Variants in IMMP2L observed in about 807,000 individuals in gnomAD.
IMMP2L encodes inner mitochondrial membrane peptidase subunit 2.
Under a neutral mutation model 19.3 loss-of-function variants are expected in IMMP2L, and 18 were observed. The observed-to-expected ratio is 0.93, with a 90% CI of 0.64 to 1.38. The LOEUF is 1.38. IMMP2L is among the 40% of genes most tolerant of loss of function. IMMP2L has a pLI of 0.00. For synonymous variants in IMMP2L, 76 were observed against 73.0 expected, an observed-to-expected ratio of 1.04 and a Z score of -0.21; for missense variants, 233 against 218.2, an observed-to-expected ratio of 1.07 and a Z score of -0.43.
At chr7:111,480,325 C>T (rs1842071248) in intron 3 of IMMP2L, among the ~76,000 whole-genome samples, 1 of 151,944 alleles carries the variant, frequency 6.6e-6, no homozygotes, top group Admixed American at 6.6e-5. Flanking sequence ...CGTGATCCAC[C>T]TGCCTCAGCC....
chr7:110,860,880 A>G lies in IMMP2L; in HGVS notation c.408+25713T>C, dbSNP rs1162255632. Among the ~76,000 whole-genome samples the G allele has an allele frequency of 2.0e-5, 3 of 152,246 alleles. No individual in the cohort carries two copies. In the East Asian group the frequency reaches 5.8e-4, roughly 29 times the overall value. On this transcript the variant is annotated intron_variant, in intron 5 of 5. Transcript: ENST00000405709. ...AAATAAAGTCAGGGCAATCCTTTCAATTTTGAAAGCAAAGTAGTCACAATT... is the reference window on the plus strand; with the variant it reads ...AAATAAAGTCAGGGCAATCCTTTCAGTTTTGAAAGCAAAGTAGTCACAATT...
chr7:111,231,612 A>G (rs1813724530), intron 3 of IMMP2L, among the ~76,000 whole-genome samples: 2 of 151,876 alleles, frequency 1.3e-5, no homozygotes, highest in African/African-American at 4.8e-5. Flanking sequence ...GTCTTTCACA[A>G]TGTAAATCCC....
chr7:111,218,219 T>TCCCAAGAAAA, intron 3 of IMMP2L, among the ~76,000 whole-genome samples: 4 of 151,010 alleles, frequency 2.6e-5, no homozygotes, highest in Non-Finnish European at 5.9e-5. Context: ...TCTGAAGTTT[T>TCCCAAGAAAA]CTTATGCAAG....
At chr7:110,681,067 CA>C (rs1275094140) in intron 5 of IMMP2L, among the ~76,000 whole-genome samples, 3 of 150,552 alleles carry the variant, frequency 2.0e-5, no homozygotes, top group African/African-American at 7.3e-5. Flanking sequence ...AAAAAAAACA[CA>C]AAACAAAGTG....
intron 3 of IMMP2L, among the ~76,000 whole-genome samples, chr7:111,458,774 T>C (rs1369704366): frequency 6.6e-6 from 1 of 152,138 alleles, no homozygotes; most frequent in African/African-American, 2.4e-5. Context: ...TACTGATGAA[T>C]CCCCAAAGAA....
intron 3 of IMMP2L, among the ~76,000 whole-genome samples, chr7:111,339,107 A>G (rs1455422600): frequency 6.6e-6 from 1 of 152,130 alleles, no homozygotes; most frequent in Non-Finnish European, 1.5e-5. Context: ...AACTAATGTT[A>G]TTACTTTCAG....
At chr7:110,871,659 T>G (rs1808549641) in intron 5 of IMMP2L, among the ~76,000 whole-genome samples, 1 of 151,974 alleles carries the variant, frequency 6.6e-6, no homozygotes, top group African/African-American at 2.4e-5. Flanking sequence ...AAAGAAATAT[T>G]ATGGAAGGTA....
intron 3 of IMMP2L, among the ~76,000 whole-genome samples, chr7:111,386,106 G>A (rs1471751650): frequency 6.6e-6 from 1 of 151,474 alleles, no homozygotes; most frequent in Non-Finnish European, 1.5e-5. Context: ...TTGAACTCCT[G>A]GCCTCAGACA....
intron 4 of IMMP2L, among the ~76,000 whole-genome samples, chr7:110,956,134 C>T (rs1818330215): frequency 6.6e-6 from 1 of 151,948 alleles, no homozygotes; most frequent in African/African-American, 2.4e-5. Flanking sequence ...TTTCTAGTGA[C>T]AAATGGATTT....
At position 110,817,304 on chromosome 7, in the gene IMMP2L, C is replaced by T. The variant is rs544478948; in HGVS notation, c.408+69289G>A. 6.6e-5 allele frequency among the ~76,000 whole-genome samples: 10 copies of T among 152,158 alleles called. No individual in the cohort carries two copies. The South Asian group carries it at 2.1e-3, about 32-fold the overall frequency. ...TCAATGTACCAAAATCACGAGCATT[C>T]TTATACACCAATAACAGACAAACAG... On this transcript the variant is annotated intron_variant, in intron 5 of 5. Coordinates refer to ENST00000405709, the MANE Select transcript of IMMP2L (RefSeq NM_032549.4).
chr7:110,824,387 T>C (rs1462450647), intron 5 of IMMP2L, among the ~76,000 whole-genome samples: 2 of 152,154 alleles, frequency 1.3e-5, no homozygotes, highest in Non-Finnish European at 2.9e-5. Flanking sequence ...ATACTTAACG[T>C]ATATTAGAAC....
intron 3 of IMMP2L, among the ~76,000 whole-genome samples, chr7:111,217,392 C>T (rs1221361388): frequency 6.6e-6 from 1 of 151,998 alleles, no homozygotes; most frequent in East Asian, 1.9e-4. Flanking sequence ...AAGTGGGTAC[C>T]TGACCCTTTT....
At chr7:111,109,832 G>C (rs1798984534) in intron 3 of IMMP2L, among the ~76,000 whole-genome samples, 1 of 152,120 alleles carries the variant, frequency 6.6e-6, no homozygotes, top group Non-Finnish European at 1.5e-5. Flanking sequence ...TTAATGGAAA[G>C]GGCCCTTAAA....
At chr7:111,220,155 C>T (rs1439676779) in intron 3 of IMMP2L, among the ~76,000 whole-genome samples, 1 of 152,032 alleles carries the variant, frequency 6.6e-6, no homozygotes, top group East Asian at 1.9e-4. Flanking sequence ...CCACTTACCA[C>T]ACCCTATTCC....
intron 3 of IMMP2L, among the ~76,000 whole-genome samples, chr7:111,451,711 A>AT (rs2083842166): frequency 6.9e-6 from 1 of 145,738 alleles, no homozygotes; most frequent in African/African-American, 2.6e-5. Context: ...TTAAAGTATA[A>AT]TTAAAAAAAA....
intron 3 of IMMP2L, among the ~76,000 whole-genome samples, chr7:110,991,429 C>A (rs1458670688): frequency 6.6e-6 from 1 of 152,070 alleles, no homozygotes; most frequent in Non-Finnish European, 1.5e-5. Flanking sequence ...AATTTACTAA[C>A]GGTGGTGTGG....
At chr7:111,527,623 AC>A (rs1376968932) in intron 1 of IMMP2L, among the ~76,000 whole-genome samples, 10 of 152,166 alleles carry the variant, frequency 6.6e-5, no homozygotes, top group African/African-American at 2.4e-4. Flanking sequence ...AAGAGAATTA[AC>A]TTTTTTTAAA....
At chr7:111,385,251 C>A (rs750607890) in intron 3 of IMMP2L, among the ~76,000 whole-genome samples, 10 of 152,100 alleles carry the variant, frequency 6.6e-5, no homozygotes, top group Non-Finnish European at 1.2e-4. Flanking sequence ...GTAAGAAAGT[C>A]AAGTGGTTGG....
chr7:111,055,627 G>A (rs1163160976), intron 3 of IMMP2L, among the ~76,000 whole-genome samples: 1 of 152,032 alleles, frequency 6.6e-6, no homozygotes, highest in African/African-American at 2.4e-5. Flanking sequence ...TGGATCCTTG[G>A]GCCGCACTTC....
Sources: gnomAD v4.1 joint callset for allele counts (sites outside exome capture counted in the v4.1 genomes callset) on GRCh38, gnomAD v4.1.1 for gene constraint, MANE v1.5 for transcripts, NCBI Gene and HGNC (gene_info 2026-07-23, HGNC 2026-07-21) for gene names.